PPM1E: variants seen among roughly 807,000 people sequenced by gnomAD.
The protein encoded by PPM1E is protein phosphatase 1E.
PPM1E carries 20 observed loss-of-function variants against 65.9 expected under a neutral mutation model. That is an observed-to-expected ratio of 0.30 (90% CI 0.21 to 0.44). The LOEUF (loss-of-function observed/expected upper bound fraction) is 0.44, where lower values mean the gene tolerates loss of function less well. Among genes scored for constraint, PPM1E ranks in the 20% least tolerant of loss-of-function variants. The probability of loss-of-function intolerance (pLI) is 1.00; values close to 1 mark genes in which losing one functional copy is unlikely to be tolerated. For missense variants in PPM1E, 713 were observed against 953.1 expected, an observed-to-expected ratio of 0.75 and a Z score of 3.32; for synonymous variants, 352 against 374.9, an observed-to-expected ratio of 0.94 and a Z score of 0.70.
intron 3 of PPM1E, among the ~76,000 whole-genome samples, chr17:58,967,841 G>C (rs1016811527): frequency 1.3e-4 from 19 of 144,794 alleles, no homozygotes; most frequent in Non-Finnish European, 2.5e-4. Flanking sequence ...CGCTCGCTCT[G>C]TCTCCAGGCT....
intron 1 of PPM1E, among the ~76,000 whole-genome samples, chr17:58,778,014 C>T (rs145033820): frequency 8.0e-4 from 122 of 152,278 alleles, no homozygotes; most frequent in Non-Finnish European, 2.8e-4. Context: ...ACTGCAGCCT[C>T]GGCCTCTGGG....
intron 1 of PPM1E, among the ~76,000 whole-genome samples, chr17:58,766,748 G>T (rs28483505): frequency 6.6e-6 from 1 of 151,782 alleles, no homozygotes; most frequent in African/African-American, 2.4e-5. Context: ...ATTAAATTCA[G>T]CTATCACTGA....
intron 1 of PPM1E, among the ~76,000 whole-genome samples, chr17:58,758,898 C>T (rs1321580269): frequency 1.3e-5 from 2 of 151,914 alleles, no homozygotes; most frequent in African/African-American, 2.4e-5. Context: ...GGCAAAACCC[C>T]GTCTCTACTA....
intron 3 of PPM1E, among the ~76,000 whole-genome samples, chr17:58,968,467 T>C (rs2030397359): frequency 6.6e-6 from 1 of 152,166 alleles, no homozygotes; most frequent in Admixed American, 6.5e-5. Flanking sequence ...AGTACAGATA[T>C]ACTTGTTATT....
chr17:58,905,840 GTA>G (rs1421463418), intron 1 of PPM1E, among the ~76,000 whole-genome samples: 1 of 152,102 alleles, frequency 6.6e-6, no homozygotes, highest in Middle Eastern at 3.2e-3. Context: ...AATAGAATGA[GTA>G]ATGGTAGTCT....
rs930507013 is a variant in PPM1E at position 58,905,798 on chromosome 17, CTAAT to C, written c.465-49842_465-49839del. On this transcript the variant is annotated intron_variant, in intron 1 of 6. Coordinates refer to ENST00000308249, the MANE Select transcript of PPM1E (RefSeq NM_014906.5). ...TAATTTTTGTGGGTTAATAGGTGCA[CTAAT>C]TAATTAATAGGTGTATTAATTTTTA... is the stretch of plus-strand genomic sequence containing the variant. Among the ~76,000 whole-genome samples, 9 of 151,896 alleles carry C rather than the reference CTAAT, an allele frequency of 5.9e-5. No individual in the cohort carries two copies. The South Asian group carries it at 6.2e-4, about 11-fold the overall frequency.
intron 1 of PPM1E, among the ~76,000 whole-genome samples, chr17:58,843,083 T>G (rs2050735845): frequency 1.3e-5 from 2 of 151,822 alleles, no homozygotes; most frequent in South Asian, 2.1e-4. Context: ...TCAGGAGATC[T>G]AGACCATCCT....
intron 1 of PPM1E, among the ~76,000 whole-genome samples, chr17:58,919,255 C>A (rs1466413580): frequency 6.6e-6 from 1 of 151,868 alleles, no homozygotes; most frequent in African/African-American, 2.4e-5. Context: ...ATGTACTAAA[C>A]CTGGTGGAAG....
At chr17:58,839,340 T>C (rs1270329061) in intron 1 of PPM1E, among the ~76,000 whole-genome samples, 5 of 151,890 alleles carry the variant, frequency 3.3e-5, no homozygotes, top group African/African-American at 1.2e-4. Flanking sequence ...AAAATTTTTT[T>C]AAGGAAAAAA....
At position 58,980,941 on chromosome 17, in the gene PPM1E, T is replaced by C. The variant is rs551772499; in HGVS notation, c.2178T>C (p.Ser726=). ...GTTCTCTGCCATGGAGGCAAAATAGTTGGAAAGGGTACAGTGAAAACATGA... is the reference window on the plus strand; with the variant it reads ...GTTCTCTGCCATGGAGGCAAAATAGCTGGAAAGGGTACAGTGAAAACATGA... The part of the protein sequence containing the change: ...IRSSLPWRQN[S]WKGYSENMRK... The change falls in exon 7 of 7, where the codon AGT becomes AGC. Residue 726 remains serine, a synonymous_variant. Coordinates refer to ENST00000308249, the MANE Select transcript of PPM1E (RefSeq NM_014906.5). The surrounding 1 kb of genome is among the most constrained non-coding windows in gnomAD (Gnocchi z 4.7). 1.9e-6 allele frequency: 3 copies of C among 1,614,170 alleles called. No homozygotes were observed. In the Admixed American group the frequency reaches 5.0e-5, roughly 27 times the overall value.
intron 1 of PPM1E, among the ~76,000 whole-genome samples, chr17:58,944,826 T>G (rs1170621566): frequency 6.6e-6 from 1 of 152,218 alleles, no homozygotes; most frequent in African/African-American, 2.4e-5. Flanking sequence ...AATATATGTT[T>G]TTATTTCTCA....
chr17:58,852,795 G>T (rs1299651614), intron 1 of PPM1E, among the ~76,000 whole-genome samples: 1 of 151,658 alleles, frequency 6.6e-6, no homozygotes, highest in Non-Finnish European at 1.5e-5. Context: ...TTAGAGACGG[G>T]GTTTCACCGT....
At chr17:58,969,764 A>T (rs1053428250) in intron 4 of PPM1E, 37 bp downstream of exon 4, 7 of 1,590,558 alleles carry the variant, frequency 4.4e-6, no homozygotes, top group Middle Eastern at 1.7e-4. Flanking sequence ...CTAGAAATGT[A>T]CTAGCTGAGC....
chr17:58,887,242 G>A (rs193054183), intron 1 of PPM1E, among the ~76,000 whole-genome samples: 1 of 138,794 alleles, frequency 7.2e-6, no homozygotes, highest in African/African-American at 2.8e-5. Flanking sequence ...TTGGCTCACT[G>A]CAACCTCCAC....
At chr17:58,884,590 CT>C (rs1351306858) in intron 1 of PPM1E, among the ~76,000 whole-genome samples, 1 of 151,986 alleles carries the variant, frequency 6.6e-6, no homozygotes, top group Admixed American at 6.6e-5. Flanking sequence ...CCCTCTTATC[CT>C]GGGAGTCTCT....
chr17:58,806,008 A>AAAAAAAAT (rs2050310536), intron 1 of PPM1E, among the ~76,000 whole-genome samples: 1 of 149,176 alleles, frequency 6.7e-6, no homozygotes, highest in African/African-American at 2.5e-5. Flanking sequence ...AACAAAAAAA[A>AAAAAAAAT]AACTATATGT....
chr17:58,772,906 C>T (rs1183923395), intron 1 of PPM1E, among the ~76,000 whole-genome samples: 4 of 151,996 alleles, frequency 2.6e-5, no homozygotes, highest in East Asian at 1.9e-4. Flanking sequence ...TAAAATCTTC[C>T]GCCCTGTAGT....
intron 1 of PPM1E, among the ~76,000 whole-genome samples, chr17:58,880,261 A>C (rs1309247008): frequency 6.6e-6 from 1 of 152,200 alleles, no homozygotes; most frequent in African/African-American, 2.4e-5. Flanking sequence ...TAAGAAACAG[A>C]AAAGAGGCTA....
chr17:58,864,877 A>G (rs2050983072), intron 1 of PPM1E, among the ~76,000 whole-genome samples: 1 of 151,888 alleles, frequency 6.6e-6, no homozygotes, highest in African/African-American at 2.4e-5. Flanking sequence ...CGGAGGTTGC[A>G]GTGGGCCAAG....
Sources: allele counts gnomAD v4.1 joint callset (sites outside exome capture counted in the v4.1 genomes callset), GRCh38; gene constraint gnomAD v4.1.1; non-coding constraint Gnocchi (gnomAD v3.1); transcripts MANE v1.5; gene names NCBI Gene and HGNC (gene_info 2026-07-23, HGNC 2026-07-21).